Variants in GABRB3 observed in about 807,000 individuals in gnomAD.
GABRB3 encodes gamma-aminobutyric acid receptor subunit beta-3.
Under a neutral mutation model 52.1 loss-of-function variants are expected in GABRB3, and 14 were observed. That is an observed-to-expected ratio of 0.27 (90% CI 0.18 to 0.42). The LOEUF is 0.42. Among genes scored for constraint, GABRB3 ranks in the 10% least tolerant of loss-of-function variants. The pLI is 1.00. For synonymous variants in GABRB3, 260 were observed against 232.3 expected, an observed-to-expected ratio of 1.12 and a Z score of -1.08; for missense variants, 307 against 609.1, an observed-to-expected ratio of 0.50 and a Z score of 5.22.
At chr15:26,718,437 G>A (rs990149528) in intron 3 of GABRB3, among the ~76,000 whole-genome samples, 18 of 152,180 alleles carry the variant, frequency 1.2e-4, no homozygotes, top group African/African-American at 4.3e-4. Flanking sequence ...TCGAACTCCC[G>A]ACCTCAGGTG....
intron 3 of GABRB3, chr15:26,658,541 T>C (rs541690101): frequency 6.6e-6 from 1 of 152,372 alleles, no homozygotes; most frequent in African/African-American, 2.4e-5. Flanking sequence ...GTTCTCATAA[T>C]CAACTGGATA....
rs185336647 is a variant in GABRB3, at chr15:26,688,074, T to C, written c.241-66540A>G. Among the ~76,000 whole-genome samples, 329 of 152,330 alleles carry C rather than the reference T, an allele frequency of 2.2e-3. 10 individuals carry two copies. Among genetic ancestry groups the C allele is most frequent in the Admixed American group, 0.02 (299 of 15,302 alleles). ...AAATTAGAAAGTTTTCTTCATTTCA[T>C]AATGACGACAAGACTGGTCATTTGA... On this transcript the variant is annotated intron_variant, in intron 3 of 8. Coordinates refer to ENST00000311550, the MANE Select transcript of GABRB3 (RefSeq NM_000814.6).
intron 4 of GABRB3, among the ~76,000 whole-genome samples, chr15:26,610,807 T>C (rs1366316154): frequency 6.6e-6 from 1 of 152,118 alleles, no homozygotes; most frequent in African/African-American, 2.4e-5. Flanking sequence ...ATTGCTAGAG[T>C]TCCAAAGTAA....
At chr15:26,569,333 T>A (rs1890305713) in intron 6 of GABRB3, 1 of 152,252 alleles carries the variant, frequency 6.6e-6, no homozygotes, top group Non-Finnish European at 1.5e-5. Context: ...AGGCTGACAG[T>A]CTCAGAAATT....
intron 8 of GABRB3, among the ~76,000 whole-genome samples, 171 bp downstream of exon 8, chr15:26,560,761 C>A (rs1889950143): frequency 6.6e-6 from 1 of 152,240 alleles, no homozygotes. Flanking sequence ...TGAGCAACCC[C>A]TGAATAAAAA....
At chr15:26,551,530 G>A (rs539533434) in intron 8 of GABRB3, among the ~76,000 whole-genome samples, 1 of 152,286 alleles carries the variant, frequency 6.6e-6, no homozygotes. Flanking sequence ...CTCAGGGGCT[G>A]GGGAAGTAGT....
At chr15:26,583,905 G>C (rs1028668407) in intron 4 of GABRB3, among the ~76,000 whole-genome samples, 10 of 151,774 alleles carry the variant, frequency 6.6e-5, no homozygotes, top group Non-Finnish European at 1.5e-4. Flanking sequence ...CTCCCGAGTA[G>C]CTGGGACTAC....
chr15:26,559,211 TAGTC>T (rs1156654741), intron 8 of GABRB3, among the ~76,000 whole-genome samples: 1 of 152,234 alleles, frequency 6.6e-6, no homozygotes, highest in Non-Finnish European at 1.5e-5. Flanking sequence ...CTGTCTGTGA[TAGTC>T]AGTGACTTCT....
chr15:26,592,406 C>A (rs1038582118), intron 4 of GABRB3, among the ~76,000 whole-genome samples: 1 of 152,110 alleles, frequency 6.6e-6, no homozygotes, highest in Admixed American at 6.5e-5. Flanking sequence ...CATAAACATT[C>A]TGAATAGAAG....
chr15:26,720,978 T>C (rs1889628005), intron 3 of GABRB3, among the ~76,000 whole-genome samples: 1 of 152,124 alleles, frequency 6.6e-6, no homozygotes, highest in Non-Finnish European at 1.5e-5. Flanking sequence ...TGCAGGGGTG[T>C]GTGTAGGGGG....
rs75557785 is a variant in GABRB3 at position 26,608,773 on chromosome 15, T to C, written c.461+12541A>G. Among the ~76,000 whole-genome samples, 298 of 152,218 alleles carry C rather than the reference T, an allele frequency of 2.0e-3. 6 individuals carry two copies. In the East Asian group the frequency reaches 0.036, roughly 19 times the overall value. ...AGATAACATCTAATACCTGTCAGAA[T>C]GACTAGTATCAAAAAGATGAAAGAT... On this transcript the variant is annotated intron_variant, in intron 4 of 8. Coordinates refer to ENST00000311550, the MANE Select transcript of GABRB3 (RefSeq NM_000814.6).
At chr15:26,767,957 A>C (rs1437638705) in intron 3 of GABRB3, among the ~76,000 whole-genome samples, 2 of 152,212 alleles carry the variant, frequency 1.3e-5, no homozygotes, top group Non-Finnish European at 2.9e-5. Flanking sequence ...ATACAGCTAC[A>C]AAGCTGCTTC....
intron 3 of GABRB3, among the ~76,000 whole-genome samples, chr15:26,711,432 G>A (rs1008934836): frequency 2.7e-5 from 4 of 149,968 alleles, no homozygotes; most frequent in Admixed American, 6.7e-5. Context: ...GCTTCGTGAC[G>A]GATGTGGCAT....
intron 6 of GABRB3, among the ~76,000 whole-genome samples, chr15:26,572,842 CA>C (rs1890457535): frequency 2.0e-5 from 3 of 152,318 alleles, no homozygotes; most frequent in East Asian, 3.9e-4. Flanking sequence ...AGTCCCTGGG[CA>C]CAAGTGCATT....
intron 4 of GABRB3, among the ~76,000 whole-genome samples, chr15:26,620,324 C>T (rs554803369): frequency 1.3e-5 from 2 of 152,282 alleles, no homozygotes; most frequent in African/African-American, 2.4e-5. Context: ...CTATTTGAGG[C>T]TATGTTAAAT....
chr15:26,718,869 T>C (rs994850487), intron 3 of GABRB3, among the ~76,000 whole-genome samples: 2 of 152,228 alleles, frequency 1.3e-5, no homozygotes, highest in Non-Finnish European at 2.9e-5. Flanking sequence ...AAGCCCAATG[T>C]GATCAGATCC....
At chr15:26,580,239 A>G in intron 6 of GABRB3, 80 bp downstream of exon 6, 4 of 1,520,456 alleles carry the variant, frequency 2.6e-6, no homozygotes, top group East Asian at 2.3e-5. Context: ...CTGTGAGTCT[A>G]TGGCAGCACA....
At chr15:26,771,575 C>G (rs1159841398) in intron 3 of GABRB3, among the ~76,000 whole-genome samples, 1 of 152,252 alleles carries the variant, frequency 6.6e-6, no homozygotes, top group African/African-American at 2.4e-5. Context: ...CGTTTCAGCT[C>G]AATTAACAAA....
In GABRB3 at chr15:26,637,454, G is replaced by C. The variant is rs181701085; in HGVS notation, c.241-15920C>G. ...CTAGAACATCAGCTGCATGAGTGCA[G>C]GAAATTCTTTCTCTTTGGTTCGTAG... On this transcript the variant is annotated intron_variant, in intron 3 of 8. Transcript: ENST00000311550. 3.3e-4 allele frequency among the ~76,000 whole-genome samples: 50 copies of C among 152,202 alleles called. No individual in the cohort carries two copies. The East Asian group carries it at 8.3e-3, about 25-fold the overall frequency.
Sources: allele counts gnomAD v4.1 joint callset (sites outside exome capture counted in the v4.1 genomes callset), GRCh38; gene constraint gnomAD v4.1.1; transcripts MANE v1.5; gene names NCBI Gene and HGNC (gene_info 2026-07-23, HGNC 2026-07-21).